PALM: variants seen among roughly 807,000 people sequenced by gnomAD.
PALM encodes the protein paralemmin-1.
Under a neutral mutation model 30.7 loss-of-function variants are expected in PALM, and 18 were observed. The observed-to-expected ratio is 0.59, with a 90% CI of 0.41 to 0.87. The LOEUF (loss-of-function observed/expected upper bound fraction) is 0.87, where lower values mean the gene tolerates loss of function less well. Ranked by LOEUF, PALM falls within the 40% of genes least tolerant of loss-of-function variation. The pLI, the probability that PALM is intolerant of heterozygous loss-of-function variation, is 0.00. For missense variants in PALM, 529 were observed against 555.4 expected, an observed-to-expected ratio of 0.95 and a Z score of 0.48; for synonymous variants, 286 against 242.8, an observed-to-expected ratio of 1.18 and a Z score of -1.66.
In PALM at chr19:747,161, G is replaced by A. The variant is rs574123321; in HGVS notation, c.*347G>A. On this transcript the variant is annotated 3_prime_UTR_variant, in exon 9 of 9. Coordinates refer to ENST00000338448, the MANE Select transcript of PALM (RefSeq NM_002579.3). ...CGGGTGGGACCCGCAGCCTCCACGC[G>A]GCCCAGGCCAGCCTGCCACCCTCTG... The A allele has an allele frequency of 2.8e-5, 7 of 247,544 alleles. No individual in the cohort carries two copies. The highest frequency in any genetic ancestry group is 1.1e-4 in the East Asian group (1 of 8,972). The allele number at this position is 247,544 out of a possible 1,614,324, so 15.3% of individuals were successfully genotyped here. A position where few individuals can be genotyped will look rare whatever the true frequency, so the allele number is the denominator to read the frequency against.
intron 1 of PALM, chr19:719,061 G>T: frequency 1.1e-6 from 1 of 941,674 alleles, no homozygotes; most frequent in Non-Finnish European, 1.2e-6. Context: ...CAAGGTCACC[G>T]TCAGCTCTTT....
At position 709,920 on chromosome 19, in the gene PALM, G is replaced by T. The variant is rs949833637; in HGVS notation, c.5+769G>T. Among the ~76,000 whole-genome samples the T allele has an allele frequency of 2.6e-5, 4 of 152,106 alleles. No homozygotes were observed. Among genetic ancestry groups the T allele is most frequent in the African/African-American group, 4.8e-5 (2 of 41,424 alleles). ...GCTGCGCCTGTGTGTGTGGGGGGGG[G>T]GTGGCCAGTGGAGGCACCGAGCGAG... On this transcript the variant is annotated intron_variant, in intron 1 of 8. Transcript: ENST00000338448. This position sits in a 1 kb window ranked among gnomAD's most constrained non-coding sequence, Gnocchi z 4.3.
chr19:727,166 T>C, intron 3 of PALM, 78 bp downstream of exon 3: 1 of 928,396 alleles, frequency 1.1e-6, no homozygotes, highest in Non-Finnish European at 1.7e-6. Flanking sequence ...TGCCCAACCC[T>C]GACCCTGACC....
Position 727,022 on chromosome 19 carries a change from G to T in PALM, c.72G>T (p.Arg24=), listed in dbSNP as rs747460933. The T allele has an allele frequency of 6.5e-7, 1 of 1,533,782 alleles. No homozygotes were observed. Among genetic ancestry groups the T allele is most frequent in the Non-Finnish European group, 8.8e-7 (1 of 1,135,776 alleles). ...RLQAIAEKRK[R]QAEIENKRRQ... is the part of the protein sequence containing the mutation. The stretch of plus-strand genomic sequence containing the variant: ...CCTCCCCACAGGAGAAGCGGAAGCG[G>T]CAGGCGGAGATCGAGAACAAGCGCC... Residue 24 remains arginine (R), a synonymous_variant, in exon 3 of 9, where the codon CGG becomes CGT. Coordinates refer to ENST00000338448, the MANE Select transcript of PALM (RefSeq NM_002579.3).
In PALM at chr19:735,872, G is replaced by C. The variant is rs1056573564; in HGVS notation, c.443-147G>C. On this transcript the variant is annotated intron_variant, in intron 6 of 8. Coordinates refer to ENST00000338448, the MANE Select transcript of PALM (RefSeq NM_002579.3). Reference sequence around the variant, plus strand: ...TGGGTGTCTGGGGGCCCAGGTTCCTGTGTCTGGGTGGGGTCTGGGTGTCAA... The same window carrying C: ...TGGGTGTCTGGGGGCCCAGGTTCCTCTGTCTGGGTGGGGTCTGGGTGTCAA... 1.4e-5 allele frequency: 9 copies of C among 653,586 alleles called. No individual in the cohort carries two copies. In the African/African-American group the frequency reaches 1.7e-4, roughly 12 times the overall value. 40.5% of individuals were successfully genotyped at this position (653,586 alleles called of 1,614,324 possible).
At chr19:720,417 AG>A (rs1387612341) in intron 1 of PALM, among the ~76,000 whole-genome samples, 6 of 51,462 alleles carry the variant, frequency 1.2e-4, no homozygotes, top group Admixed American at 1.9e-4. Context: ...GGGAGGGGCG[AG>A]GGGGGCGCCG....
rs1234516202 is a variant in PALM at position 747,564 on chromosome 19, A to G, written c.*750A>G. The G allele has an allele frequency of 1.3e-5, 2 of 152,566 alleles. No homozygotes were observed. The highest frequency in any genetic ancestry group is 1.3e-4 in the Admixed American group (2 of 15,274). The allele number at this position is 152,566 out of a possible 1,614,324, so 9.5% of individuals were successfully genotyped here. On this transcript the variant is annotated 3_prime_UTR_variant, in exon 9 of 9. Transcript: ENST00000338448. ...TGCCCCCTGCACAGGGCAGGGACCG[A>G]GTGAGCCACTCCTTGTCCCGAGCTC...
chr19:711,167 G>C, intron 1 of PALM: 1 of 980,990 alleles, frequency 1.0e-6, no homozygotes, highest in South Asian at 4.7e-5. Context: ...GAGAACTAGC[G>C]GGTTGCTAAC....
chr19:724,409 C>T (rs1397732979), intron 1 of PALM, among the ~76,000 whole-genome samples: 1 of 151,938 alleles, frequency 6.6e-6, no homozygotes, highest in Non-Finnish European at 1.5e-5. Flanking sequence ...CAACCTCTGC[C>T]TCCTGGGTTC....
intron 7 of PALM, 29 bp from the exon 8 acceptor site, chr19:740,323 G>A (rs373986468): frequency 2.0e-4 from 314 of 1,537,818 alleles, no homozygotes; most frequent in Non-Finnish European, 2.2e-4. Context: ...CGGGCAGGCC[G>A]TGGTGTAACC....
Position 746,418 on chromosome 19 carries a change from C to A in PALM, c.768C>A (p.Thr256=). 6.2e-7 allele frequency: 1 copy of A among 1,611,556 alleles called. No individual in the cohort carries two copies. Residue 256 remains threonine (T), a synonymous_variant, in exon 9 of 9, where the codon ACC becomes ACA. Coordinates refer to ENST00000338448, the MANE Select transcript of PALM (RefSeq NM_002579.3). This position sits in a 1 kb window ranked among gnomAD's most constrained non-coding sequence, Gnocchi z 7.1. ...EAGSTAGAAE[T]RGAVEGAART... is the part of the protein sequence containing the mutation. ...GGTCCACGGCCGGGGCGGCAGAGACCCGGGGGGCTGTGGAGGGGGCAGCCC... is the reference window on the plus strand; with the variant it reads ...GGTCCACGGCCGGGGCGGCAGAGACACGGGGGGCTGTGGAGGGGGCAGCCC...
Position 747,149 on chromosome 19 carries a change from C to T in PALM, c.*335C>T, listed in dbSNP as rs991072696. ...CCGGGGTCCTGGCGGGTGGGACCCG[C>T]AGCCTCCACGCGGCCCAGGCCAGCC... On this transcript the variant is annotated 3_prime_UTR_variant, in exon 9 of 9. Coordinates refer to ENST00000338448, the MANE Select transcript of PALM (RefSeq NM_002579.3). The T allele has an allele frequency of 3.1e-5, 9 of 287,720 alleles. No homozygotes were observed. Among genetic ancestry groups the T allele is most frequent in the South Asian group, 8.8e-5 (2 of 22,676 alleles). The allele number at this position is 287,720 out of a possible 1,614,324, so 17.8% of individuals were successfully genotyped here. A position where few individuals can be genotyped will look rare whatever the true frequency, so the allele number is the denominator to read the frequency against.
chr19:736,047 G>A lies in PALM; in HGVS notation c.471G>A (p.Arg157=), dbSNP rs866455082. The change falls in exon 7 of 9, where the codon AGG becomes AGA. Residue 157 remains arginine, a synonymous_variant. Transcript: ENST00000338448. ...AGCGAGTCTCCAACACGCCCCTGAG[G>A]ACGGTTGACGGCTCCCCCATGATGA... ...KDKRVSNTPL[R]TVDGSPMMKA... 3 of 1,610,902 alleles carry A rather than the reference G, an allele frequency of 1.9e-6. No homozygotes were observed. Among genetic ancestry groups the A allele is most frequent in the Middle Eastern group, 1.7e-4 (1 of 6,050 alleles).
intron 1 of PALM, among the ~76,000 whole-genome samples, chr19:720,224 C>G (rs2032419123): frequency 6.6e-6 from 1 of 151,960 alleles, no homozygotes; most frequent in South Asian, 2.1e-4. Flanking sequence ...CGCGCCGGGC[C>G]TCGGCGTTGC....
At position 746,261 on chromosome 19, in the gene PALM, TTCTC is replaced by T. The variant is rs1171421232; in HGVS notation, c.635-20_635-17del. On this transcript the variant is annotated intron_variant, in intron 8 of 8. Coordinates refer to ENST00000338448, the MANE Select transcript of PALM (RefSeq NM_002579.3). The surrounding 1 kb of genome is among the most constrained non-coding windows in gnomAD (Gnocchi z 7.1). ...GTCCCTCCTGCCTGGAGCTGGGTCA[TTCTC>T]TCTGTCTCTCCTTGTACAGTGGTCC... The T allele has an allele frequency of 1.9e-6, 3 of 1,601,436 alleles. No individual in the cohort carries two copies. Among genetic ancestry groups the T allele is most frequent in the Admixed American group, 3.5e-5 (2 of 57,224 alleles).
chr19:712,575 G>C (rs999798399), intron 1 of PALM, among the ~76,000 whole-genome samples: 3 of 151,206 alleles, frequency 2.0e-5, no homozygotes, highest in African/African-American at 7.3e-5. Flanking sequence ...GGTAGAGACA[G>C]GGTTTCACAG....
chr19:741,113 T>A (rs1229687527), intron 8 of PALM, among the ~76,000 whole-genome samples: 1 of 152,088 alleles, frequency 6.6e-6, no homozygotes, highest in South Asian at 2.1e-4. Context: ...CACTCCAACC[T>A]GGGCAACAGA....
At position 746,684 on chromosome 19, in the gene PALM, G is replaced by A; in HGVS notation, c.1034G>A (p.Gly345Asp). ...CCCAAGGAGCCTGCACCACCCAACG[G>A]CAGTGCTGCCGAGCCTCCCACGGAG... ...AEPKEPAPPN[G>D]SAAEPPTEAA... Residue 345 changes from glycine to aspartate, a missense_variant, in exon 9 of 9, where the codon GGC becomes GAC. Physicochemically the swap from Gly to Asp is moderately conservative, Grantham distance 94. Transcript: ENST00000338448. The surrounding 1 kb of genome is among the most constrained non-coding windows in gnomAD (Gnocchi z 7.1). 6 of 1,610,600 alleles carry A rather than the reference G, an allele frequency of 3.7e-6. No homozygotes were observed. Among genetic ancestry groups the A allele is most frequent in the Non-Finnish European group, 5.1e-6 (6 of 1,179,126 alleles).
intron 4 of PALM, 77 bp downstream of exon 4, chr19:727,771 G>C: frequency 2.9e-6 from 4 of 1,380,452 alleles, no homozygotes; most frequent in Non-Finnish European, 3.9e-6. Context: ...GTGTGGGCTG[G>C]GAAGAGTCGT....
Sources: gnomAD v4.1 joint callset for allele counts (sites outside exome capture counted in the v4.1 genomes callset) on GRCh38, gnomAD v4.1.1 for gene constraint, Gnocchi (gnomAD v3.1) non-coding constraint, MANE v1.5 for transcripts, NCBI Gene and HGNC (gene_info 2026-07-23, HGNC 2026-07-21) for gene names.